GNAQ: variants seen among roughly 807,000 people sequenced by gnomAD.
GNAQ encodes G protein subunit alpha q.
Under a neutral mutation model 43.9 loss-of-function variants are expected in GNAQ, and 8 were observed. The ratio of observed to expected loss-of-function variants is 0.18; its 90% CI spans 0.11 to 0.33. The LOEUF (loss-of-function observed/expected upper bound fraction) is 0.33, where lower values mean the gene tolerates loss of function less well. GNAQ is among the 10% of genes least tolerant of loss of function. The pLI is 1.00. For synonymous variants in GNAQ, 155 were observed against 170.7 expected (o/e 0.91, Z 0.71); for missense variants, 158 against 450.8 (o/e 0.35, Z 5.88).
At chr9:78,028,972 T>C (rs1424333204) in intron 1 of GNAQ, among the ~76,000 whole-genome samples, 1 of 151,882 alleles carries the variant, frequency 6.6e-6, no homozygotes, top group Non-Finnish European at 1.5e-5. Flanking sequence ...GTTCCGCTAA[T>C]AAGAGGAAAA....
At chr9:77,763,887 C>A (rs1826093604) in intron 5 of GNAQ, among the ~76,000 whole-genome samples, 1 of 152,186 alleles carries the variant, frequency 6.6e-6, no homozygotes. Flanking sequence ...AAATATCCCA[C>A]AAAAGAGCTT....
chr9:77,756,934 C>A (rs1825913039), intron 5 of GNAQ, among the ~76,000 whole-genome samples: 1 of 152,170 alleles, frequency 6.6e-6, no homozygotes, highest in Admixed American at 6.5e-5. Context: ...TCTGTTTCTT[C>A]AGGTTTGCTT....
At chr9:77,850,524 C>T (rs911184188) in intron 2 of GNAQ, among the ~76,000 whole-genome samples, 2 of 152,176 alleles carry the variant, frequency 1.3e-5, no homozygotes, top group Admixed American at 1.3e-4. Context: ...AATGATTTCT[C>T]GGGAACGTAA....
intron 2 of GNAQ, among the ~76,000 whole-genome samples, chr9:77,817,998 AAAAAACAAAAAAAAC>A (rs897837948): frequency 2.6e-5 from 4 of 151,954 alleles, no homozygotes; most frequent in African/African-American, 9.7e-5. Context: ...TTTTGACTGC[AAAAAACAAAAAAAAC>A]AAAAACAAAA....
intron 1 of GNAQ, among the ~76,000 whole-genome samples, chr9:78,015,981 G>A (rs77714116): frequency 6.6e-6 from 1 of 151,860 alleles, no homozygotes; most frequent in African/African-American, 2.4e-5. Context: ...AAATTAACAA[G>A]AATGTCAAGA....
chr9:77,772,698 C>T (rs1036849744), intron 5 of GNAQ, among the ~76,000 whole-genome samples: 5 of 152,184 alleles, frequency 3.3e-5, no homozygotes, highest in African/African-American at 9.7e-5. Flanking sequence ...TTCCTGGTTA[C>T]GTCAGCTAGT....
chr9:77,850,081 G>C lies in GNAQ; in HGVS notation c.322-34311C>G, dbSNP rs145701463. Among the ~76,000 whole-genome samples the C allele has an allele frequency of 1.9e-3, 292 of 152,334 alleles. 2 individuals carry two copies. The highest frequency in any genetic ancestry group is 6.6e-3 in the African/African-American group (275 of 41,584). ...CAGCCAGGCTTTCACCTAAGCTCTA[G>C]GCCAGTACTTCCAAATGTCGGCTAC... On this transcript the variant is annotated intron_variant, in intron 2 of 6. Transcript: ENST00000286548.
chr9:77,894,476 G>A (rs1828467695), intron 2 of GNAQ, among the ~76,000 whole-genome samples: 1 of 144,560 alleles, frequency 6.9e-6, no homozygotes, highest in Admixed American at 7.1e-5. Flanking sequence ...AGGCTGGAAT[G>A]CAGTGCTGTG....
intron 5 of GNAQ, among the ~76,000 whole-genome samples, chr9:77,755,406 A>C (rs751790372): frequency 1.1e-4 from 17 of 152,204 alleles, no homozygotes; most frequent in Non-Finnish European, 2.2e-4. Flanking sequence ...CTTGAGGTGG[A>C]TATCCCACTT....
At chr9:77,964,161 T>C (rs1823138454) in intron 1 of GNAQ, among the ~76,000 whole-genome samples, 3 of 152,164 alleles carry the variant, frequency 2.0e-5, no homozygotes. Context: ...GCAAATAATA[T>C]TATCAGAAAT....
intron 5 of GNAQ, among the ~76,000 whole-genome samples, chr9:77,742,702 C>T (rs1027739881): frequency 2.0e-5 from 3 of 152,212 alleles, no homozygotes; most frequent in African/African-American, 4.8e-5. Flanking sequence ...CAAAAACACA[C>T]CTTTAAATAC....
intron 2 of GNAQ, among the ~76,000 whole-genome samples, chr9:77,906,144 G>A (rs898641842): frequency 1.4e-4 from 21 of 152,090 alleles, no homozygotes; most frequent in Non-Finnish European, 2.9e-5. Flanking sequence ...GATACTACCT[G>A]ACATGTAATT....
rs78535243 is a variant in GNAQ, at chr9:77,864,170, T to A, written c.322-48400A>T. On this transcript the variant is annotated intron_variant, in intron 2 of 6. Transcript: ENST00000286548. ...AAAGAGGGGAGGAAGGTGCCAGGCT[T>A]TTTTTTTTTTTTTTTTAAACAATTA... is the stretch of plus-strand genomic sequence containing the variant. 2.4e-5 allele frequency among the ~76,000 whole-genome samples: 3 copies of A among 125,046 alleles called. No homozygotes were observed. In the South Asian group the frequency reaches 7.6e-4, roughly 31 times the overall value. 82.0% of individuals were successfully genotyped at this position (125,046 alleles called of 152,430 possible).
intron 2 of GNAQ, among the ~76,000 whole-genome samples, chr9:77,848,002 G>T (rs1827614272): frequency 6.6e-6 from 1 of 152,200 alleles, no homozygotes; most frequent in African/African-American, 2.4e-5. Context: ...TAGATGTTAG[G>T]TGATGTAGTC....
At chr9:77,922,414 A>C in intron 1 of GNAQ, 69 bp from the exon 2 acceptor site, 3 of 1,089,866 alleles carry the variant, frequency 2.8e-6, no homozygotes, top group Non-Finnish European at 4.1e-6. Context: ...ACTAAACCAA[A>C]TACCATGCCT....
intron 5 of GNAQ, among the ~76,000 whole-genome samples, chr9:77,733,525 C>G (rs1267448364): frequency 6.6e-6 from 1 of 152,262 alleles, no homozygotes; most frequent in East Asian, 1.9e-4. Flanking sequence ...CAATGCTGTC[C>G]CCACTTCTTA....
At chr9:77,944,946 C>G (rs1169303815) in intron 1 of GNAQ, among the ~76,000 whole-genome samples, 1 of 152,202 alleles carries the variant, frequency 6.6e-6, no homozygotes. Flanking sequence ...GCTGTCCCAT[C>G]CAAGAACACC....
chr9:77,742,975 G>A (rs1248076287), intron 5 of GNAQ, among the ~76,000 whole-genome samples: 1 of 152,184 alleles, frequency 6.6e-6, no homozygotes, highest in Non-Finnish European at 1.5e-5. Flanking sequence ...AAGATCAGCA[G>A]GAGGCTGGGC....
intron 5 of GNAQ, among the ~76,000 whole-genome samples, chr9:77,768,999 A>G (rs1826177267): frequency 6.6e-6 from 1 of 152,234 alleles, no homozygotes; most frequent in African/African-American, 2.4e-5. Flanking sequence ...GCAGACACCA[A>G]TAAAAAGGAG....
Sources: gnomAD v4.1 joint callset for allele counts (sites outside exome capture counted in the v4.1 genomes callset) on GRCh38, gnomAD v4.1.1 for gene constraint, MANE v1.5 for transcripts, NCBI Gene and HGNC (gene_info 2026-07-23, HGNC 2026-07-21) for gene names.